ST6GALNAC3: variants seen among roughly 807,000 people sequenced by gnomAD.
ST6GALNAC3 encodes ST6 N-acetylgalactosaminide alpha-2,6-sialyltransferase 3, also known as alpha-N-acetylgalactosaminide alpha-2,6-sialyltransferase 3.
In ST6GALNAC3, 25 loss-of-function variants were observed where a neutral mutation model predicts 32.7. The ratio of observed to expected loss-of-function variants is 0.76; its 90% CI spans 0.56 to 1.07. The LOEUF (loss-of-function observed/expected upper bound fraction) is 1.07. ST6GALNAC3 is among the 50% of genes least tolerant of loss of function. The pLI is 0.00. For missense variants in ST6GALNAC3, 355 were observed against 382.4 expected (o/e 0.93, Z 0.60); for synonymous variants, 129 against 133.1 (o/e 0.97, Z 0.21).
intron 2 of ST6GALNAC3, among the ~76,000 whole-genome samples, chr1:76,352,184 A>G (rs1649035766): frequency 6.6e-6 from 1 of 152,196 alleles, no homozygotes; most frequent in South Asian, 2.1e-4. Context: ...TCTCCTTAAT[A>G]GTCATTTGGT....
chr1:76,370,118 C>A (rs1650701500), intron 2 of ST6GALNAC3, among the ~76,000 whole-genome samples: 1 of 152,134 alleles, frequency 6.6e-6, no homozygotes, highest in Non-Finnish European at 1.5e-5. Context: ...CAGGAACCAA[C>A]CATGAAAAAT....
At chr1:76,364,903 T>C (rs1650247827) in intron 2 of ST6GALNAC3, among the ~76,000 whole-genome samples, 2 of 152,220 alleles carry the variant, frequency 1.3e-5, no homozygotes. Flanking sequence ...TCAGGCACTA[T>C]GGAAAGCAAT....
chr1:76,091,803 C>T (rs1006449985), intron 1 of ST6GALNAC3, among the ~76,000 whole-genome samples: 2 of 152,178 alleles, frequency 1.3e-5, no homozygotes, highest in African/African-American at 4.8e-5. Flanking sequence ...GTAGGCTACA[C>T]CATCTAGGTG....
At chr1:76,584,174 A>C (rs960603943) in intron 3 of ST6GALNAC3, among the ~76,000 whole-genome samples, 20 of 152,218 alleles carry the variant, frequency 1.3e-4, no homozygotes, top group African/African-American at 4.6e-4. Context: ...CCAAGGTCTT[A>C]TAGTTAGTAA....
intron 1 of ST6GALNAC3, among the ~76,000 whole-genome samples, chr1:76,118,644 C>CA (rs1404113130): frequency 6.6e-6 from 1 of 152,186 alleles, no homozygotes; most frequent in Non-Finnish European, 1.5e-5. Context: ...TAAAGAGACA[C>CA]ATGATGCTTG....
chr1:76,087,080 G>A (rs1335301013), intron 1 of ST6GALNAC3, among the ~76,000 whole-genome samples: 6 of 152,032 alleles, frequency 3.9e-5, no homozygotes, highest in Admixed American at 1.3e-4. Flanking sequence ...TCTGTTCGTC[G>A]GCTGGTTTGA....
At chr1:76,272,906 C>T (rs1028531149) in intron 1 of ST6GALNAC3, among the ~76,000 whole-genome samples, 2 of 152,140 alleles carry the variant, frequency 1.3e-5, no homozygotes, top group African/African-American at 2.4e-5. Flanking sequence ...TTGCTTTTGG[C>T]GTCTTGATGG....
rs529696322 is a variant in ST6GALNAC3, at chr1:76,499,233, T to C, written c.623+86816T>C. Among the ~76,000 whole-genome samples the C allele has an allele frequency of 2.0e-5, 3 of 152,316 alleles. No individual in the cohort carries two copies. In the South Asian group the frequency reaches 6.2e-4, roughly 32 times the overall value. On this transcript the variant is annotated intron_variant, in intron 3 of 4. Coordinates refer to ENST00000328299, the MANE Select transcript of ST6GALNAC3 (RefSeq NM_152996.4). ...TGTTGGTAAGAATATGGGGAAAAACTGTTGGTGGGAGTATAATTTGAGACA... is the reference window on the plus strand; with the variant it reads ...TGTTGGTAAGAATATGGGGAAAAACCGTTGGTGGGAGTATAATTTGAGACA...
chr1:76,138,368 T>C (rs1650079996), intron 1 of ST6GALNAC3, among the ~76,000 whole-genome samples: 1 of 152,024 alleles, frequency 6.6e-6, no homozygotes, highest in Non-Finnish European at 1.5e-5. Context: ...TTTGAGAACA[T>C]AGGGTGGGGT....
chr1:76,417,851 AG>A (rs1654751547), intron 3 of ST6GALNAC3, among the ~76,000 whole-genome samples: 2 of 152,174 alleles, frequency 1.3e-5, no homozygotes, highest in Non-Finnish European at 2.9e-5. Context: ...AATTAATGAA[AG>A]CTAGCAGCAA....
intron 1 of ST6GALNAC3, among the ~76,000 whole-genome samples, chr1:76,083,307 C>T (rs1210850446): frequency 1.3e-5 from 2 of 152,222 alleles, no homozygotes; most frequent in Admixed American, 6.5e-5. Flanking sequence ...TATGCACTTG[C>T]GGTGAGCAGG....
Position 76,541,598 on chromosome 1 carries a change from G to A in ST6GALNAC3, c.624-85854G>A, listed in dbSNP as rs192645857. ...GCATCTGCTTTTTGTGACAGACACT[G>A]TGGCTTTCAAGGGCCTTGCCTTATT... is the stretch of plus-strand genomic sequence containing the variant. On this transcript the variant is annotated intron_variant, in intron 3 of 4. Coordinates refer to ENST00000328299, the MANE Select transcript of ST6GALNAC3 (RefSeq NM_152996.4). Among the ~76,000 whole-genome samples, 347 of 152,328 alleles carry A rather than the reference G, an allele frequency of 2.3e-3. 1 individual carries two copies. The highest frequency in any genetic ancestry group is 7.9e-3 in the African/African-American group (328 of 41,582).
At chr1:76,300,703 G>T (rs905882785) in intron 1 of ST6GALNAC3, among the ~76,000 whole-genome samples, 65 of 152,068 alleles carry the variant, frequency 4.3e-4, no homozygotes, top group African/African-American at 1.5e-3. Flanking sequence ...TGATTGATTA[G>T]CAATGTCTGC....
At chr1:76,593,683 A>G (rs1647084924) in intron 3 of ST6GALNAC3, among the ~76,000 whole-genome samples, 2 of 152,178 alleles carry the variant, frequency 1.3e-5, no homozygotes, top group Non-Finnish European at 2.9e-5. Flanking sequence ...TACTTTCCCC[A>G]AAGTTTGTTT....
downstream of ST6GALNAC3, among the ~76,000 whole-genome samples, chr1:76,636,089 T>G (rs943552116): frequency 1.3e-5 from 2 of 152,138 alleles, no homozygotes; most frequent in African/African-American, 4.8e-5. Flanking sequence ...AGAAAAAAAT[T>G]TTTGTGTATG....
chr1:76,170,923 A>G (rs1463279579), intron 1 of ST6GALNAC3, among the ~76,000 whole-genome samples: 1 of 152,222 alleles, frequency 6.6e-6, no homozygotes, highest in African/African-American at 2.4e-5. Context: ...AATTTACATG[A>G]TTTCAAACAT....
At position 76,549,104 on chromosome 1, in the gene ST6GALNAC3, A is replaced by G. The variant is rs115701865; in HGVS notation, c.624-78348A>G. ...CACATACATCCTTTGTATTTATTAT[A>G]CCATGTTTCAAATATAAAGAGATGT... On this transcript the variant is annotated intron_variant, in intron 3 of 4. Coordinates refer to ENST00000328299, the MANE Select transcript of ST6GALNAC3 (RefSeq NM_152996.4). Among the ~76,000 whole-genome samples, 733 of 152,332 alleles carry G rather than the reference A, an allele frequency of 4.8e-3. 5 individuals are homozygous for G. Among genetic ancestry groups the G allele is most frequent in the African/African-American group, 0.017 (702 of 41,574 alleles).
intron 3 of ST6GALNAC3, among the ~76,000 whole-genome samples, chr1:76,616,495 A>G (rs1249893155): frequency 6.6e-6 from 1 of 152,102 alleles, no homozygotes; most frequent in African/African-American, 2.4e-5. Flanking sequence ...CCATTTAGGA[A>G]TTTTCTTGTG....
intron 2 of ST6GALNAC3, among the ~76,000 whole-genome samples, chr1:76,409,089 C>G (rs901396677): frequency 6.6e-6 from 1 of 152,110 alleles, no homozygotes; most frequent in African/African-American, 2.4e-5. Flanking sequence ...TAAATCAATG[C>G]GTGACCCCAA....
Sources: gnomAD v4.1 joint callset for allele counts (sites outside exome capture counted in the v4.1 genomes callset) on GRCh38, gnomAD v4.1.1 for gene constraint, MANE v1.5 for transcripts, NCBI Gene and HGNC (gene_info 2026-07-23, HGNC 2026-07-21) for gene names.